The following DHX29 variants were observed in gnomAD, a reference collection of about 807,000 sequenced individuals.
DHX29 encodes DExH-box helicase 29.
In DHX29, 79 loss-of-function variants were observed where a neutral mutation model predicts 167.9. That is an observed-to-expected ratio of 0.47 (90% confidence interval 0.39 to 0.57). The LOEUF (loss-of-function observed/expected upper bound fraction) is 0.57. Among genes scored for constraint, DHX29 ranks in the 20% least tolerant of loss-of-function variants. The pLI is 0.00. For missense variants in DHX29, 1,347 were observed against 1,593.4 expected (o/e 0.85, Z 2.63); for synonymous variants, 530 against 546.0 (o/e 0.97, Z 0.41).
Position 55,274,946 on chromosome 5 carries a change from C to G in DHX29, c.2492G>C (p.Ser831Thr). Residue 831 changes from serine to threonine, a missense_variant, in exon 15 of 27, where the codon AGC (serine) becomes ACC (threonine). Ser to Thr is a moderately conservative substitution (Grantham distance 58). Around this residue, in one of 3 missense-constraint regions of DHX29, gnomAD observed 882 missense variants for 1,082.4 expected, o/e 0.81. Coordinates refer to ENST00000251636, the MANE Select transcript of DHX29 (RefSeq NM_019030.4). ...DLNPFYQKYSSRTQHAILYMN... is the reference protein window; with the variant it reads ...DLNPFYQKYSTRTQHAILYMN... ...GTATAGAATAGCATGCTGAGTGCGG[C>G]TGCTGTACTTTTGGTAAAATGGATT... is the stretch of plus-strand genomic sequence containing the variant. 6.2e-7 allele frequency: 1 copy of G among 1,613,894 alleles called. No homozygotes were observed. Among genetic ancestry groups the G allele is most frequent in the Non-Finnish European group, 8.5e-7 (1 of 1,179,920 alleles).
At chr5:55,284,172 G>T (rs1747593996) in intron 10 of DHX29, among the ~76,000 whole-genome samples, 1 of 152,114 alleles carries the variant, frequency 6.6e-6, no homozygotes, top group South Asian at 2.1e-4. Context: ...GCTAGTAATT[G>T]TACCTCCCTT....
At chr5:55,284,579 T>C (rs1747617880) in intron 10 of DHX29, among the ~76,000 whole-genome samples, 1 of 152,238 alleles carries the variant, frequency 6.6e-6, no homozygotes, top group African/African-American at 2.4e-5. Context: ...AAATTTTCAA[T>C]GGTTCTAATT....
chr5:55,306,229 T>A (rs1465497704), intron 1 of DHX29, among the ~76,000 whole-genome samples: 2 of 152,204 alleles, frequency 1.3e-5, no homozygotes, highest in African/African-American at 4.8e-5. Flanking sequence ...TTTTTCAGTC[T>A]CATCTCATTT....
At chr5:55,277,672 G>A (rs1439757906) in intron 12 of DHX29, among the ~76,000 whole-genome samples, 2 of 152,002 alleles carry the variant, frequency 1.3e-5, no homozygotes, top group Non-Finnish European at 2.9e-5. Context: ...TTAGGAGGCC[G>A]ACGCGGGCGG....
intron 17 of DHX29, 55 bp downstream of exon 17, chr5:55,273,238 C>A: frequency 6.7e-7 from 1 of 1,490,740 alleles, no homozygotes. Flanking sequence ...GTTATACGGC[C>A]ATCATAAAAT....
intron 1 of DHX29, among the ~76,000 whole-genome samples, chr5:55,306,713 C>A (rs146994795): frequency 6.2e-4 from 94 of 152,246 alleles, no homozygotes; most frequent in African/African-American, 2.2e-3. Context: ...AAGCAAACAA[C>A]CCGAGAAGAA....
rs1030796148 is a variant in DHX29 at position 55,267,622 on chromosome 5, T to C, written c.3431+64A>G. 1.6e-5 allele frequency: 23 copies of C among 1,416,352 alleles called. No individual in the cohort carries two copies. In the African/African-American group the frequency reaches 3.2e-4, roughly 20 times the overall value. The allele number at this position is 1,416,352 out of a possible 1,614,324, so 87.7% of individuals were successfully genotyped here. ...TACAATTTTAATAAGTCAAAGGTAA[T>C]ATATTTTAAAGTAAATAACCTCAGG... On this transcript the variant is annotated intron_variant, in intron 22 of 26. Coordinates refer to ENST00000251636, the MANE Select transcript of DHX29 (RefSeq NM_019030.4).
chr5:55,283,619 A>C lies in DHX29; in HGVS notation c.1549T>G (p.Ser517Ala). 3 of 1,613,990 alleles carry C rather than the reference A, an allele frequency of 1.9e-6. No homozygotes were observed. The highest frequency in any genetic ancestry group is 1.3e-5 in the African/African-American group (1 of 74,998). Reference protein sequence around the residue: ...QQHSENKRENSEDPEESWENL... With the variant: ...QQHSENKRENAEDPEESWENL... ...TCCCAAGATTCCTCGGGATCTTCAG[A>C]GTTTTCTCTCTTATTTTCAGAATGC... Residue 517 changes from serine (S) to alanine (A), a missense_variant, in exon 11 of 27, where the codon TCT (serine) becomes GCT (alanine). Ser to Ala is a moderately conservative substitution (Grantham distance 99). Transcript: ENST00000251636.
chr5:55,297,190 T>C (rs1361387890), intron 3 of DHX29, 95 bp downstream of exon 3: 22 of 637,914 alleles, frequency 3.4e-5, no homozygotes, highest in Non-Finnish European at 8.3e-6. Context: ...ACATAAAATC[T>C]CAATGGAAGT....
chr5:55,275,725 CTATGTATGTATGTATGTATG>C (rs375674768), intron 14 of DHX29, among the ~76,000 whole-genome samples: 50 of 148,758 alleles, frequency 3.4e-4, no homozygotes, highest in African/African-American at 1.2e-3. Context: ...GACAGCTTCA[CTATGTATGTATGTATGTATG>C]TATGTATGTA....
rs1388954914 is a variant in DHX29, at chr5:55,285,784, A to G, written c.1144T>C (p.Phe382Leu). The change falls in exon 9 of 27, where the codon TTT becomes CTT. Residue 382 changes from phenylalanine to leucine, a missense_variant. By Grantham distance (22) the Phe-to-Leu change is conservative. Coordinates refer to ENST00000251636, the MANE Select transcript of DHX29 (RefSeq NM_019030.4). ...RSWTGKSPKQ[F>L]LIDWVRKNLP... ...TTCTTCCTGACCCAATCAATCAGAAATTGTTTGGGAGATTTTCCAGTCCAA... is the reference window on the plus strand; with the variant it reads ...TTCTTCCTGACCCAATCAATCAGAAGTTGTTTGGGAGATTTTCCAGTCCAA... 1.9e-6 allele frequency: 3 copies of G among 1,604,882 alleles called. No homozygotes were observed. Among genetic ancestry groups the G allele is most frequent in the Non-Finnish European group, 2.6e-6 (3 of 1,173,544 alleles).
rs1446851645 is a variant in DHX29 at position 55,261,431 on chromosome 5, A to T, written c.3897T>A (p.Gly1299=). ...CTCGGTGCTGAACTTCTATATCACC[A>T]CCAAAAAGTAAAACTGGAAAAGGGG... ...LITPFPVLLF[G]GDIEVQHRER... The change falls in exon 25 of 27, where the codon GGT becomes GGA. Residue 1299 remains glycine, a synonymous_variant. Coordinates refer to ENST00000251636, the MANE Select transcript of DHX29 (RefSeq NM_019030.4). The T allele has an allele frequency of 6.3e-7, 1 of 1,575,536 alleles. No homozygotes were observed. The highest frequency in any genetic ancestry group is 1.7e-5 in the Admixed American group (1 of 59,794).
At chr5:55,288,807 C>G (rs112450633) in intron 8 of DHX29, among the ~76,000 whole-genome samples, 4 of 152,052 alleles carry the variant, frequency 2.6e-5, no homozygotes, top group African/African-American at 7.2e-5. Context: ...GCAAGATGAG[C>G]GAAGTAATGA....
rs138137332 is a variant in DHX29 at position 55,283,620 on chromosome 5, G to A, written c.1548C>T (p.Asn516=). 4.5e-4 allele frequency: 721 copies of A among 1,613,874 alleles called. 1 individual carries two copies. The highest frequency in any genetic ancestry group is 5.9e-4 in the Non-Finnish European group (693 of 1,180,006). The change falls in exon 11 of 27, where the codon AAC becomes AAT. Residue 516 remains asparagine (N), a synonymous_variant. Coordinates refer to ENST00000251636, the MANE Select transcript of DHX29 (RefSeq NM_019030.4). ...QQQHSENKRE[N]SEDPEESWEN... ...CCCAAGATTCCTCGGGATCTTCAGA[G>A]TTTTCTCTCTTATTTTCAGAATGCT...
At chr5:55,296,401 T>G in intron 3 of DHX29, 52 bp from the exon 4 acceptor site, 1 of 1,563,428 alleles carries the variant, frequency 6.4e-7, no homozygotes, top group Non-Finnish European at 8.7e-7. Flanking sequence ...TCCCTTCCTG[T>G]GTTACTAATT....
At position 55,272,146 on chromosome 5, in the gene DHX29, C is replaced by CGT; in HGVS notation, c.2803_2804dup (p.Gly936ArgfsTer11). 2 of 1,580,902 alleles carry CGT rather than the reference C, an allele frequency of 1.3e-6. No individual in the cohort carries two copies. The highest frequency in any genetic ancestry group is 1.7e-6 in the Non-Finnish European group (2 of 1,166,184). ...ATACAACATCAGGAATAGTGATACCCGTCTCTGCAATATTGGTTGCTAAAA... is the reference window on the plus strand; with the variant it reads ...ATACAACATCAGGAATAGTGATACCCGTGTCTCTGCAATATTGGTTGCTAAAA... On this transcript the variant is annotated frameshift_variant, in exon 18 of 27. Coordinates refer to ENST00000251636, the MANE Select transcript of DHX29 (RefSeq NM_019030.4). LOFTEE classifies it high-confidence loss of function.
chr5:55,295,917 A>G (rs111853418), intron 4 of DHX29, among the ~76,000 whole-genome samples: 4 of 152,332 alleles, frequency 2.6e-5, no homozygotes, highest in African/African-American at 7.2e-5. Flanking sequence ...ATAAAATACT[A>G]TATATTCAAG....
At chr5:55,294,790 A>C (rs1280713963) in intron 5 of DHX29, 2 of 152,816 alleles carry the variant, frequency 1.3e-5, no homozygotes, top group Middle Eastern at 3.4e-3. Context: ...GTAATGCCCT[A>C]ATGAATTACA....
At position 55,290,752 on chromosome 5, in the gene DHX29, C is replaced by T. The variant is rs371604263; in HGVS notation, c.781-408G>A. On this transcript the variant is annotated intron_variant, in intron 6 of 26. Transcript: ENST00000251636. ...TGTTTCAGCCAGGTGTGGTGGCTCA[C>T]GCCTATAATCCCAGCACTTTGGGAG... Among the ~76,000 whole-genome samples the T allele has an allele frequency of 3.4e-3, 517 of 152,304 alleles. 28 individuals are homozygous for T. The South Asian group carries it at 0.1, about 30-fold the overall frequency.
Sources: allele counts gnomAD v4.1 joint callset (sites outside exome capture counted in the v4.1 genomes callset), GRCh38; gene constraint gnomAD v4.1.1; regional missense constraint gnomAD v4.1.1; transcripts MANE v1.5; gene names NCBI Gene and HGNC (gene_info 2026-07-23, HGNC 2026-07-21).